Variants in PSD3 observed in about 807,000 individuals in gnomAD.
PSD3 encodes the protein pleckstrin and Sec7 domain containing 3.
Under a neutral mutation model 105.5 loss-of-function variants are expected in PSD3, and 49 were observed. The ratio of observed to expected loss-of-function variants is 0.46; its 90% CI spans 0.37 to 0.59. The LOEUF is 0.59. Among genes scored for constraint, PSD3 ranks in the 20% least tolerant of loss-of-function variants. The probability of loss-of-function intolerance (pLI) is 0.00; values close to 1 mark genes in which losing one functional copy is unlikely to be tolerated. For missense variants in PSD3, 1,561 were observed against 1,263.8 expected, an observed-to-expected ratio of 1.24 and a Z score of -3.57; for synonymous variants, 557 against 457.8, an observed-to-expected ratio of 1.22 and a Z score of -2.77.
rs750106505 is a variant in PSD3, at chr8:18,702,634, A to G, written c.2173-46949T>C. On this transcript the variant is annotated intron_variant, in intron 9 of 15. Coordinates refer to ENST00000327040, the MANE Select transcript of PSD3 (RefSeq NM_015310.4). ...TTCTTTCTTTCTTTCTTTTTTTGAG[A>G]TGGAATCTCGCTCTGTTGCCCAGGC... Among the ~76,000 whole-genome samples, 5 of 150,098 alleles carry G rather than the reference A, an allele frequency of 3.3e-5. No homozygotes were observed. In the East Asian group the frequency reaches 7.9e-4, roughly 24 times the overall value.
chr8:18,973,538 C>T (rs780224067), intron 1 of PSD3, among the ~76,000 whole-genome samples: 7 of 152,102 alleles, frequency 4.6e-5, no homozygotes, highest in Non-Finnish European at 1.0e-4. Flanking sequence ...GATTAGGGGC[C>T]CATCCTTATG....
chr8:18,575,052 T>A, intron 13 of PSD3, 76 bp downstream of exon 13: 4 of 1,443,480 alleles, frequency 2.8e-6, no homozygotes, highest in Non-Finnish European at 3.7e-6. Flanking sequence ...CCTGCAGAGC[T>A]TGATTTTGTT....
intron 2 of PSD3, among the ~76,000 whole-genome samples, chr8:18,904,688 C>T (rs1225880605): frequency 6.6e-6 from 1 of 152,204 alleles, no homozygotes; most frequent in Non-Finnish European, 1.5e-5. Flanking sequence ...TAATTGTTTA[C>T]TCAAGGTCAG....
At chr8:19,023,524 G>A (rs142709567) in intron 1 of PSD3, among the ~76,000 whole-genome samples, 43 of 152,032 alleles carry the variant, frequency 2.8e-4, no homozygotes, top group African/African-American at 8.4e-4. Flanking sequence ...GACCTCCTGT[G>A]GACTCAAGCA....
rs1799754250 is a variant in PSD3 at position 18,534,484 on chromosome 8, G to C, written c.*1259C>G. Reference sequence around the variant, plus strand: ...CCATTTTGAGTAGACAGAAAGAAAGGACTGAAAATAGATGAAGTATTTTTA... The same window carrying C: ...CCATTTTGAGTAGACAGAAAGAAAGCACTGAAAATAGATGAAGTATTTTTA... On this transcript the variant is annotated 3_prime_UTR_variant, in exon 16 of 16. Coordinates refer to ENST00000327040, the MANE Select transcript of PSD3 (RefSeq NM_015310.4). The C allele has an allele frequency of 6.6e-6, 1 of 152,558 alleles. No homozygotes were observed. The highest frequency in any genetic ancestry group is 1.5e-5 in the Non-Finnish European group (1 of 68,036). The allele number at this position is 152,558 out of a possible 1,614,324, so 9.5% of individuals were successfully genotyped here.
At chr8:18,650,117 T>C (rs376367750) in intron 10 of PSD3, among the ~76,000 whole-genome samples, 4 of 152,218 alleles carry the variant, frequency 2.6e-5, no homozygotes, top group African/African-American at 4.8e-5. Flanking sequence ...AGTCAAAGGA[T>C]GAAAGAGAGG....
chr8:18,824,192 T>A (rs1052946429), intron 4 of PSD3, among the ~76,000 whole-genome samples: 5 of 152,100 alleles, frequency 3.3e-5, no homozygotes, highest in African/African-American at 1.2e-4. Flanking sequence ...AGTAACTTTT[T>A]TAAAGTGAGA....
intron 1 of PSD3, among the ~76,000 whole-genome samples, chr8:19,038,762 A>T (rs1382246367): frequency 6.6e-6 from 1 of 152,136 alleles, no homozygotes; most frequent in Non-Finnish European, 1.5e-5. Flanking sequence ...TAGATCCCAC[A>T]CTTCTGTCAA....
intron 14 of PSD3, 99 bp downstream of exon 14, chr8:18,572,429 C>T: frequency 7.0e-7 from 1 of 1,437,872 alleles, no homozygotes; most frequent in Non-Finnish European, 9.5e-7. Flanking sequence ...GGTCTCACAC[C>T]TGCCCCCAAA....
At chr8:19,029,548 G>C (rs567741384) in intron 1 of PSD3, among the ~76,000 whole-genome samples, 1 of 152,194 alleles carries the variant, frequency 6.6e-6, no homozygotes, top group East Asian at 1.9e-4. Context: ...CAAGGAGAAG[G>C]GCAGAGCAAA....
At chr8:18,943,612 G>C (rs1284716254) in intron 1 of PSD3, among the ~76,000 whole-genome samples, 1 of 152,114 alleles carries the variant, frequency 6.6e-6, no homozygotes, top group Non-Finnish European at 1.5e-5. Flanking sequence ...GAGTGGCTTA[G>C]ATAACAGAGG....
chr8:18,965,385 C>G (rs1824173557), intron 1 of PSD3, among the ~76,000 whole-genome samples: 2 of 152,154 alleles, frequency 1.3e-5, no homozygotes, highest in Non-Finnish European at 2.9e-5. Context: ...CCTTGAGGAA[C>G]CAGCGTCCCC....
At chr8:18,807,809 G>T (rs1178733644) in intron 4 of PSD3, among the ~76,000 whole-genome samples, 1 of 152,114 alleles carries the variant, frequency 6.6e-6, no homozygotes, top group East Asian at 1.9e-4. Flanking sequence ...TTCCTTTATA[G>T]ACTTAACATT....
chr8:18,537,593 G>T (rs1799911635), intron 15 of PSD3, among the ~76,000 whole-genome samples: 1 of 152,172 alleles, frequency 6.6e-6, no homozygotes, highest in Admixed American at 6.5e-5. Context: ...GTAAGGAAGA[G>T]TCTTTTGGGG....
intron 9 of PSD3, among the ~76,000 whole-genome samples, chr8:18,677,878 C>G (rs536076221): frequency 6.6e-6 from 1 of 151,844 alleles, no homozygotes; most frequent in Non-Finnish European, 1.5e-5. Flanking sequence ...GGCGTGGTGG[C>G]GGGTGCCTGT....
intron 4 of PSD3, among the ~76,000 whole-genome samples, chr8:18,835,183 A>G (rs1289553270): frequency 6.6e-6 from 1 of 152,236 alleles, no homozygotes; most frequent in Non-Finnish European, 1.5e-5. Context: ...CCTAAGAACC[A>G]GCAATTATAT....
At chr8:18,769,155 T>C (rs958930023) in intron 8 of PSD3, among the ~76,000 whole-genome samples, 3 of 152,240 alleles carry the variant, frequency 2.0e-5, no homozygotes, top group East Asian at 1.9e-4. Context: ...AATACCTTTT[T>C]AGATATGTTC....
intron 15 of PSD3, among the ~76,000 whole-genome samples, chr8:18,550,324 T>G (rs896111914): frequency 8.5e-5 from 13 of 152,322 alleles, no homozygotes; most frequent in African/African-American, 3.1e-4. Flanking sequence ...AATTCAGAGC[T>G]CTTAGTCCTC....
At chr8:19,075,257 G>A (rs1266667369) in intron 1 of PSD3, among the ~76,000 whole-genome samples, 2 of 151,930 alleles carry the variant, frequency 1.3e-5, no homozygotes, top group Admixed American at 6.6e-5. Context: ...CATTAATTAC[G>A]AATTTTTAAA....
Sources: gnomAD v4.1 joint callset for allele counts (sites outside exome capture counted in the v4.1 genomes callset) on GRCh38, gnomAD v4.1.1 for gene constraint, MANE v1.5 for transcripts, NCBI Gene and HGNC (gene_info 2026-07-23, HGNC 2026-07-21) for gene names.